The following TCEA1 variants were observed in gnomAD, a reference collection of about 807,000 sequenced individuals.
TCEA1 encodes the protein transcription elongation factor A1.
Under a neutral mutation model 43.8 loss-of-function variants are expected in TCEA1, and 21 were observed. That is an observed-to-expected ratio of 0.48 (90% CI 0.34 to 0.69). TCEA1 has a LOEUF of 0.69. TCEA1 is among the 30% of genes least tolerant of loss of function. The probability of loss-of-function intolerance (pLI) is 0.01; values close to 1 mark genes in which losing one functional copy is unlikely to be tolerated. For missense variants in TCEA1, 250 were observed against 365.1 expected, an observed-to-expected ratio of 0.68 and a Z score of 2.57; for synonymous variants, 104 against 117.5, an observed-to-expected ratio of 0.88 and a Z score of 0.75.
At chr8:54,005,068 T>C (rs1241932065) in intron 2 of TCEA1, among the ~76,000 whole-genome samples, 2 of 152,190 alleles carry the variant, frequency 1.3e-5, no homozygotes, top group African/African-American at 2.4e-5. Flanking sequence ...GCACTCCTAA[T>C]TGTAAACTCC....
intron 2 of TCEA1, among the ~76,000 whole-genome samples, chr8:54,000,460 C>A (rs1250251583): frequency 2.6e-5 from 4 of 152,180 alleles, no homozygotes; most frequent in African/African-American, 7.2e-5. Flanking sequence ...AGAGCACCAG[C>A]TGCAAATTAT....
At chr8:53,981,983 T>C (rs1273081158) in intron 7 of TCEA1, among the ~76,000 whole-genome samples, 4 of 150,082 alleles carry the variant, frequency 2.7e-5, no homozygotes, top group Non-Finnish European at 5.9e-5. Context: ...CGGGCTAGTC[T>C]CCACCTCCTG....
intron 7 of TCEA1, 90 bp downstream of exon 7, chr8:53,984,273 A>T: frequency 8.4e-7 from 1 of 1,194,962 alleles, no homozygotes; most frequent in Middle Eastern, 3.0e-4. Context: ...TACATATGCA[A>T]TATTTATATA....
chr8:53,972,334 A>T, intron 8 of TCEA1: 1 of 481,170 alleles, frequency 2.1e-6, no homozygotes, highest in Non-Finnish European at 4.1e-6. Flanking sequence ...AATGGTGAGG[A>T]TGATGATGCA....
chr8:54,003,292 T>A (rs191786653), intron 2 of TCEA1, among the ~76,000 whole-genome samples: 3 of 152,278 alleles, frequency 2.0e-5, no homozygotes, highest in Admixed American at 6.5e-5. Context: ...GCAATACTAA[T>A]CAAGTCGAAC....
intron 1 of TCEA1, among the ~76,000 whole-genome samples, chr8:54,016,128 CAT>C (rs1159973300): frequency 1.3e-5 from 2 of 152,336 alleles, no homozygotes; most frequent in East Asian, 3.9e-4. Context: ...AAAGGTTAAA[CAT>C]AGTTACTATA....
chr8:54,012,328 G>A (rs1229349027), intron 1 of TCEA1, among the ~76,000 whole-genome samples: 1 of 152,178 alleles, frequency 6.6e-6, no homozygotes, highest in African/African-American at 2.4e-5. Flanking sequence ...TTGGGAGGCC[G>A]AGGTGGATGG....
At chr8:54,013,289 C>CA (rs1491516369) in intron 1 of TCEA1, among the ~76,000 whole-genome samples, 3 of 152,222 alleles carry the variant, frequency 2.0e-5, no homozygotes, top group African/African-American at 4.8e-5. Context: ...AAGTAACACT[C>CA]ACGGAATAAA....
chr8:54,013,853 C>T (rs1449302926), intron 1 of TCEA1, among the ~76,000 whole-genome samples: 1 of 152,090 alleles, frequency 6.6e-6, no homozygotes, highest in Non-Finnish European at 1.5e-5. Context: ...TTAATTCCAC[C>T]TTCACCATAA....
chr8:54,015,107 TTC>T (rs1163514909), intron 1 of TCEA1, among the ~76,000 whole-genome samples: 1 of 152,226 alleles, frequency 6.6e-6, no homozygotes, highest in African/African-American at 2.4e-5. Context: ...CAGTTACTTC[TTC>T]TATAATAATG....
intron 1 of TCEA1, among the ~76,000 whole-genome samples, chr8:54,018,142 A>AT (rs1804898211): frequency 2.0e-5 from 3 of 152,188 alleles, no homozygotes; most frequent in Admixed American, 2.0e-4. Context: ...TGCAGTTGTT[A>AT]TTTTAACTGA....
chr8:53,982,292 G>A (rs531652016), intron 7 of TCEA1, among the ~76,000 whole-genome samples: 2 of 152,116 alleles, frequency 1.3e-5, no homozygotes, highest in Non-Finnish European at 2.9e-5. Flanking sequence ...GACTTTGAGG[G>A]GTTTGACTTC....
intron 1 of TCEA1, among the ~76,000 whole-genome samples, chr8:54,014,830 C>T (rs1804770247): frequency 6.6e-6 from 1 of 152,200 alleles, no homozygotes; most frequent in African/African-American, 2.4e-5. Context: ...TTGCTAACTA[C>T]AAGATCTGGG....
chr8:53,992,085 G>A (rs1803901746), intron 4 of TCEA1, among the ~76,000 whole-genome samples: 1 of 152,048 alleles, frequency 6.6e-6, no homozygotes, highest in African/African-American at 2.4e-5. Context: ...GCTGAGGCAG[G>A]TGGATCACCT....
At chr8:53,985,294 G>C (rs1803654113) in intron 6 of TCEA1, among the ~76,000 whole-genome samples, 1 of 152,178 alleles carries the variant, frequency 6.6e-6, no homozygotes, top group East Asian at 1.9e-4. Context: ...TGGGATTATA[G>C]GCGTGAGCCA....
intron 2 of TCEA1, 200 bp downstream of exon 2, chr8:54,010,230 C>A (rs1804608601): frequency 6.5e-6 from 3 of 461,802 alleles, no homozygotes; most frequent in Non-Finnish European, 3.8e-6. Context: ...AGGTTTTATT[C>A]TCCTTAAGAA....
chr8:54,014,422 T>A (rs577335590), intron 1 of TCEA1, among the ~76,000 whole-genome samples: 2 of 152,104 alleles, frequency 1.3e-5, no homozygotes, highest in South Asian at 4.1e-4. Flanking sequence ...CCAGCCTGGA[T>A]AACAGAATGA....
chr8:53,977,633 T>G (rs767363279), intron 8 of TCEA1, among the ~76,000 whole-genome samples: 1 of 152,124 alleles, frequency 6.6e-6, no homozygotes, highest in Non-Finnish European at 1.5e-5. Context: ...AGTTGTCCCT[T>G]AAGGAGACAA....
intron 8 of TCEA1, chr8:53,971,616 A>C (rs1354263789): frequency 1.3e-5 from 2 of 157,854 alleles, no homozygotes; most frequent in Non-Finnish European, 2.8e-5. Flanking sequence ...TCTCAAAAAA[A>C]AAAGTTCAAG....
Sources: allele counts gnomAD v4.1 joint callset (sites outside exome capture counted in the v4.1 genomes callset), GRCh38; gene constraint gnomAD v4.1.1; transcripts MANE v1.5; gene names NCBI Gene and HGNC (gene_info 2026-07-23, HGNC 2026-07-21).